Variants in STK3 observed in about 807,000 individuals in gnomAD.
STK3 encodes serine/threonine kinase 3.
Under a neutral mutation model 58.0 loss-of-function variants are expected in STK3, and 41 were observed. That is an observed-to-expected ratio of 0.71 (90% CI 0.55 to 0.92). The LOEUF (loss-of-function observed/expected upper bound fraction) is 0.92, where lower values mean the gene tolerates loss of function less well. STK3 is among the 40% of genes least tolerant of loss of function. STK3 has a pLI of 0.00. For missense variants in STK3, 479 were observed against 602.7 expected, an observed-to-expected ratio of 0.79 and a Z score of 2.15; for synonymous variants, 170 against 191.0, an observed-to-expected ratio of 0.89 and a Z score of 0.91.
chr8:98,846,874 C>CAA (rs966227548), intron 3 of STK3, among the ~76,000 whole-genome samples: 6 of 150,976 alleles, frequency 4.0e-5, no homozygotes, highest in African/African-American at 1.5e-4. Flanking sequence ...CACACACACA[C>CAA]ACACACACAC....
chr8:98,912,337 C>G (rs1039555388), intron 1 of STK3, among the ~76,000 whole-genome samples: 1 of 152,020 alleles, frequency 6.6e-6, no homozygotes, highest in African/African-American at 2.4e-5. Flanking sequence ...AAGATCGCGC[C>G]ACTGCACTCC....
intron 6 of STK3, chr8:98,603,385 C>T (rs569602884): frequency 3.3e-5 from 5 of 152,040 alleles, no homozygotes; most frequent in South Asian, 2.1e-4. Flanking sequence ...TACAGGTGCC[C>T]GCCACCATGC....
chr8:98,401,412 T>C (rs1178081660), exon 4 of STK3: 1 of 152,196 alleles, frequency 6.6e-6, no homozygotes, highest in African/African-American at 2.4e-5. Flanking sequence ...GTTTGAAGTG[T>C]TTTTTTAATG....
intron 3 of STK3, among the ~76,000 whole-genome samples, chr8:98,749,738 A>AT (rs1411004378): frequency 6.6e-6 from 1 of 152,186 alleles, no homozygotes; most frequent in African/African-American, 2.4e-5. Flanking sequence ...CTTCTAAAGG[A>AT]TTTTGCATTC....
chr8:98,712,075 G>A (rs1459415558), intron 4 of STK3, among the ~76,000 whole-genome samples: 1 of 152,108 alleles, frequency 6.6e-6, no homozygotes. Context: ...TTACAGACAA[G>A]CAAAGGCTGA....
chr8:98,546,812 C>T (rs1810734984), intron 9 of STK3, among the ~76,000 whole-genome samples: 1 of 152,112 alleles, frequency 6.6e-6, no homozygotes, highest in African/African-American at 2.4e-5. Flanking sequence ...ATTCATACTC[C>T]ACCCCCAGGA....
chr8:98,743,541 G>T (rs890409848), intron 4 of STK3, among the ~76,000 whole-genome samples: 1 of 152,136 alleles, frequency 6.6e-6, no homozygotes, highest in African/African-American at 2.4e-5. Context: ...CATGTAGAAA[G>T]CTGAAACTGG....
chr8:98,423,970 G>C (rs1004415514), intron 3 of STK3, among the ~76,000 whole-genome samples: 11 of 152,190 alleles, frequency 7.2e-5, no homozygotes, highest in Non-Finnish European at 1.5e-4. Context: ...GGCCAGCCAG[G>C]CCAGCCCAGA....
At chr8:98,628,793 T>C (rs1214285615) in intron 6 of STK3, among the ~76,000 whole-genome samples, 1 of 114,644 alleles carries the variant, frequency 8.7e-6, no homozygotes, top group African/African-American at 3.5e-5. Flanking sequence ...TAGAGGAATA[T>C]CCTGTCTCCA....
intron 6 of STK3, among the ~76,000 whole-genome samples, chr8:98,675,582 G>A (rs1189216354): frequency 6.6e-6 from 1 of 151,856 alleles, no homozygotes; most frequent in African/African-American, 2.4e-5. Context: ...AGGGACTCGG[G>A]CTGGGCGTGG....
intron 1 of STK3, among the ~76,000 whole-genome samples, chr8:98,806,893 G>A (rs896135602): frequency 6.6e-6 from 1 of 152,120 alleles, no homozygotes; most frequent in Non-Finnish European, 1.5e-5. Context: ...GGTGGCTCAC[G>A]CCTGTAATCC....
At chr8:98,421,388 G>A (rs1818171722) in intron 3 of STK3, among the ~76,000 whole-genome samples, 2 of 152,192 alleles carry the variant, frequency 1.3e-5, no homozygotes, top group Non-Finnish European at 2.9e-5. Context: ...CTGGAGGGAG[G>A]TGGTTGCCCC....
At chr8:98,639,778 A>G (rs572380318) in intron 6 of STK3, among the ~76,000 whole-genome samples, 1 of 152,120 alleles carries the variant, frequency 6.6e-6, no homozygotes, top group Non-Finnish European at 1.5e-5. Context: ...TTAACTTCAC[A>G]TAGCAAGAAA....
chr8:98,854,395 TC>T (rs1321102376), intron 3 of STK3, among the ~76,000 whole-genome samples: 1 of 152,022 alleles, frequency 6.6e-6, no homozygotes, highest in Non-Finnish European at 1.5e-5. Flanking sequence ...CAACTCTGCC[TC>T]CCAAAATGCC....
intron 10 of STK3, among the ~76,000 whole-genome samples, chr8:98,466,917 A>G (rs892473006): frequency 6.6e-6 from 1 of 152,154 alleles, no homozygotes; most frequent in African/African-American, 2.4e-5. Context: ...GTGGGACCCA[A>G]GGAAGGTAAG....
Position 98,569,678 on chromosome 8 carries a change from AATATG to A in STK3, c.948+9981_948+9985del, listed in dbSNP as rs369690474. On this transcript the variant is annotated intron_variant, in intron 8 of 10. Coordinates refer to ENST00000419617, the MANE Select transcript of STK3 (RefSeq NM_006281.4). ...ACAAAAAGAAATAACATGTAATGATAATATGATATAAGTGAACAGTATTTACACAG... is the reference window on the plus strand; with the variant it reads ...ACAAAAAGAAATAACATGTAATGATAATATAAGTGAACAGTATTTACACAG... Among the ~76,000 whole-genome samples, 1,029 of 152,240 alleles carry A rather than the reference AATATG, an allele frequency of 6.8e-3. 5 individuals are homozygous for A. The highest frequency in any genetic ancestry group is 0.023 in the African/African-American group (963 of 41,576).
downstream of STK3, among the ~76,000 whole-genome samples, chr8:98,368,040 C>T (rs1221052188): frequency 6.8e-6 from 1 of 148,128 alleles, no homozygotes; most frequent in Non-Finnish European, 1.5e-5. Flanking sequence ...GGCCATGGCC[C>T]CAGGGCACTC....
intron 6 of STK3, among the ~76,000 whole-genome samples, chr8:98,631,889 T>G (rs915822175): frequency 6.6e-6 from 1 of 152,254 alleles, no homozygotes; most frequent in African/African-American, 2.4e-5. Flanking sequence ...GGTCTTGAAC[T>G]CCTGACTTTG....
At chr8:98,904,995 C>T in intron 1 of STK3, 2 of 755,874 alleles carry the variant, frequency 2.6e-6, no homozygotes, top group South Asian at 1.3e-5. Context: ...GACCCAGTAT[C>T]GCTTATAGTA....
Sources: allele counts gnomAD v4.1 joint callset (sites outside exome capture counted in the v4.1 genomes callset), GRCh38; gene constraint gnomAD v4.1.1; transcripts MANE v1.5; gene names NCBI Gene and HGNC (gene_info 2026-07-23, HGNC 2026-07-21).